Variants in PRDM1 observed in about 807,000 individuals in gnomAD.
The protein encoded by PRDM1 is PR/SET domain 1.
PRDM1 carries 13 observed loss-of-function variants against 62.8 expected under a neutral mutation model. The ratio of observed to expected loss-of-function variants is 0.21; its 90% confidence interval spans 0.13 to 0.33. The LOEUF (loss-of-function observed/expected upper bound fraction) is 0.33. Ranked by LOEUF, PRDM1 falls within the 10% of genes least tolerant of loss-of-function variation. The pLI, the probability that PRDM1 is intolerant of heterozygous loss-of-function variation, is 1.00. For synonymous variants in PRDM1, 396 were observed against 417.6 expected, an observed-to-expected ratio of 0.95 and a Z score of 0.63; for missense variants, 895 against 1,058.8, an observed-to-expected ratio of 0.85 and a Z score of 2.15.
At chr6:106,043,580 C>G (rs1013449964), upstream of PRDM1, among the ~76,000 whole-genome samples, 7 of 152,130 alleles carry the variant, frequency 4.6e-5, no homozygotes. Context: ...GTTGCCCAGG[C>G]TGGAGTGCAA....
chr6:105,996,338 T>G (rs967386244), intron 1 of PRDM1, among the ~76,000 whole-genome samples: 3 of 152,116 alleles, frequency 2.0e-5, no homozygotes, highest in Non-Finnish European at 2.9e-5. Flanking sequence ...GTAGTAAAAA[T>G]TAATTAACAA....
chr6:106,045,087 T>G (rs1773052849), upstream of PRDM1, among the ~76,000 whole-genome samples: 1 of 152,230 alleles, frequency 6.6e-6, no homozygotes, highest in African/African-American at 2.4e-5. Flanking sequence ...TTTTTTCAAC[T>G]TTTATCTTTC....
chr6:106,103,077 T>A (rs1002368968), intron 4 of PRDM1, among the ~76,000 whole-genome samples: 71 of 152,292 alleles, frequency 4.7e-4, no homozygotes, highest in African/African-American at 1.7e-3. Flanking sequence ...AGATATTTAT[T>A]TTGTTTTAGT....
At chr6:106,002,358 A>G (rs1293601437) in intron 1 of PRDM1, among the ~76,000 whole-genome samples, 1 of 152,140 alleles carries the variant, frequency 6.6e-6, no homozygotes, top group African/African-American at 2.4e-5. Context: ...ATAAACATTT[A>G]CTTTGTTGAT....
chr6:106,033,761 T>C (rs1383586033), intron 1 of PRDM1, among the ~76,000 whole-genome samples: 2 of 152,142 alleles, frequency 1.3e-5, no homozygotes, highest in Admixed American at 1.3e-4. Flanking sequence ...CCTCATACAA[T>C]GAGTAAAGAA....
Position 106,107,235 on chromosome 6 carries a change from G to C in PRDM1, c.2227G>C (p.Glu743Gln). ...CATCAGTGACAATGCTGACCGGCTC[G>C]AGGACGTGGAGGATGACATCAGTGT... ...FDISDNADRL[E>Q]DVEDDISVIS... The change falls in exon 7 of 7, where the codon GAG (glutamate) becomes CAG (glutamine). Residue 743 changes from glutamate (E) to glutamine (Q), a missense_variant. Physicochemically the swap from Glu to Gln is conservative, Grantham distance 29. This residue lies in a region of PRDM1 where 164 missense variants were observed against 179.9 expected (regional missense o/e 0.91). Coordinates refer to ENST00000369096, the MANE Select transcript of PRDM1 (RefSeq NM_001198.4). 1 of 1,614,192 alleles carries C rather than the reference G, an allele frequency of 6.2e-7. No individual in the cohort carries two copies. The highest frequency in any genetic ancestry group is 2.2e-5 in the East Asian group (1 of 44,890).
At chr6:106,035,472 T>C (rs1772911711) in intron 1 of PRDM1, among the ~76,000 whole-genome samples, 1 of 151,866 alleles carries the variant, frequency 6.6e-6, no homozygotes, top group African/African-American at 2.4e-5. Context: ...CTATAGAAAC[T>C]TAAAAAATTA....
intron 1 of PRDM1, among the ~76,000 whole-genome samples, chr6:106,034,068 C>T: frequency 6.6e-6 from 1 of 152,032 alleles, no homozygotes; most frequent in East Asian, 1.9e-4. Context: ...CTCTTTGAAT[C>T]ATTTTTGTTT....
intron 1 of PRDM1, among the ~76,000 whole-genome samples, chr6:106,038,014 C>CTTTTTTTGTTTTT (rs1772945145): frequency 2.1e-5 from 1 of 47,800 alleles, no homozygotes; most frequent in African/African-American, 8.6e-5. Flanking sequence ...CTATTTTTGT[C>CTTTTTTTGTTTTT]TTTTTTTTTT....
At chr6:106,067,423 T>C (rs1025807537) in intron 1 of PRDM1, among the ~76,000 whole-genome samples, 1 of 152,094 alleles carries the variant, frequency 6.6e-6, no homozygotes, top group African/African-American at 2.4e-5. Flanking sequence ...CCCAAAAGAA[T>C]TGACAAGGAC....
At chr6:106,070,423 A>G (rs1369928911) in intron 1 of PRDM1, among the ~76,000 whole-genome samples, 4 of 152,184 alleles carry the variant, frequency 2.6e-5, no homozygotes, top group African/African-American at 9.6e-5. Context: ...TACTTATATT[A>G]TATTTGCCTT....
At chr6:106,088,531 T>C in intron 2 of PRDM1, 82 bp downstream of exon 2, 1 of 1,457,350 alleles carries the variant, frequency 6.9e-7, no homozygotes, top group Non-Finnish European at 9.5e-7. Context: ...TGTATATCTC[T>C]GAAAACCTCT....
At chr6:106,041,669 A>G (rs555952067) in intron 1 of PRDM1, among the ~76,000 whole-genome samples, 1 of 152,266 alleles carries the variant, frequency 6.6e-6, no homozygotes, top group South Asian at 2.1e-4. Context: ...AGAGAACTGA[A>G]CATCCCCCCA....
At chr6:106,067,947 T>C (rs1398186555) in intron 1 of PRDM1, among the ~76,000 whole-genome samples, 2 of 152,194 alleles carry the variant, frequency 1.3e-5, no homozygotes, top group African/African-American at 4.8e-5. Context: ...CAACAACTTA[T>C]TATTTTAAAA....
At chr6:106,070,595 TAA>T (rs5878866) in intron 1 of PRDM1, among the ~76,000 whole-genome samples, 5 of 151,948 alleles carry the variant, frequency 3.3e-5, no homozygotes, top group Non-Finnish European at 5.9e-5. Context: ...TCAAAGGTTA[TAA>T]ATCTCTAAGG....
At chr6:106,035,127 A>G (rs1026137022) in intron 1 of PRDM1, among the ~76,000 whole-genome samples, 3 of 152,172 alleles carry the variant, frequency 2.0e-5, no homozygotes, top group African/African-American at 7.2e-5. Context: ...CTTTATTGAG[A>G]GTGAAGTATT....
chr6:106,010,462 G>T (rs778875149), intron 1 of PRDM1, among the ~76,000 whole-genome samples: 2 of 152,052 alleles, frequency 1.3e-5, no homozygotes, highest in Non-Finnish European at 2.9e-5. Flanking sequence ...GACAGTTATA[G>T]CCTTGTATCA....
intron 2 of PRDM1, among the ~76,000 whole-genome samples, chr6:106,093,190 C>T (rs1774007924): frequency 6.6e-6 from 1 of 152,160 alleles, no homozygotes; most frequent in South Asian, 2.1e-4. Context: ...TAGTTGTGCT[C>T]AAATAGGTAT....
Position 106,108,164 on chromosome 6 carries a change from C to CTG in PRDM1, c.*678_*679insTG, listed in dbSNP as rs1774559899. On this transcript the variant is annotated 3_prime_UTR_variant, in exon 7 of 7. Coordinates refer to ENST00000369096, the MANE Select transcript of PRDM1 (RefSeq NM_001198.4). ...CTTGGGGGTATGTGTGCAGGATTAC[C>CTG]CAAGAATAACTTAAGTAGAAGAAAC... 1 of 233,218 alleles carries CTG rather than the reference C, an allele frequency of 4.3e-6. No individual in the cohort carries two copies. Among genetic ancestry groups the CTG allele is most frequent in the South Asian group, 1.8e-4 (1 of 5,518 alleles). The allele number at this position is 233,218 out of a possible 1,614,324, so 14.4% of individuals were successfully genotyped here. A position where few individuals can be genotyped will look rare whatever the true frequency, so the allele number is the denominator to read the frequency against.
Sources: gnomAD v4.1 joint callset for allele counts (sites outside exome capture counted in the v4.1 genomes callset) on GRCh38, gnomAD v4.1.1 for gene constraint, gnomAD v4.1.1 regional missense constraint, MANE v1.5 for transcripts, NCBI Gene and HGNC (gene_info 2026-07-23, HGNC 2026-07-21) for gene names.